MYO1B: variants seen among roughly 807,000 people sequenced by gnomAD.
The protein encoded by MYO1B is unconventional myosin-Ib.
Under a neutral mutation model 159.7 loss-of-function variants are expected in MYO1B, and 72 were observed. The ratio of observed to expected loss-of-function variants is 0.45; its 90% CI spans 0.37 to 0.55. The LOEUF is 0.55. MYO1B is among the 20% of genes least tolerant of loss of function. MYO1B has a pLI of 0.00. For missense variants in MYO1B, 1,062 were observed against 1,364.8 expected, an observed-to-expected ratio of 0.78 and a Z score of 3.50; for synonymous variants, 468 against 473.8, an observed-to-expected ratio of 0.99 and a Z score of 0.16.
chr2:191,278,444 T>C (rs574382223), intron 2 of MYO1B, among the ~76,000 whole-genome samples: 16 of 152,356 alleles, frequency 1.1e-4, no homozygotes, highest in African/African-American at 3.8e-4. Context: ...ACCAAACATG[T>C]TTCAAGGATG....
intron 30 of MYO1B, among the ~76,000 whole-genome samples, chr2:191,417,657 A>C (rs560218604): frequency 6.6e-6 from 1 of 152,210 alleles, no homozygotes. Flanking sequence ...TGCTATTTTT[A>C]AGCATTTCCC....
chr2:191,396,322 G>C, intron 20 of MYO1B, 107 bp from the exon 21 acceptor site: 5 of 1,139,208 alleles, frequency 4.4e-6, no homozygotes, highest in Non-Finnish European at 6.6e-6. Context: ...GAAGGAGTAT[G>C]GATAATTGAG....
chr2:191,424,102 C>A lies in MYO1B; in HGVS notation c.*142C>A. ...GGCAAAATAAAAATATTTGACTAATCAATTTTTATTATTGGAATAGTTTTA... is the reference window on the plus strand; with the variant it reads ...GGCAAAATAAAAATATTTGACTAATAAATTTTTATTATTGGAATAGTTTTA... On this transcript the variant is annotated 3_prime_UTR_variant, in exon 31 of 31. Coordinates refer to ENST00000392318, the MANE Select transcript of MYO1B (RefSeq NM_001130158.3). 1.0e-6 allele frequency: 1 copy of A among 957,708 alleles called. No individual in the cohort carries two copies. Among genetic ancestry groups the A allele is most frequent in the Non-Finnish European group, 1.6e-6 (1 of 637,930 alleles). The allele number at this position is 957,708 out of a possible 1,614,324, so 59.3% of individuals were successfully genotyped here. A position where few individuals can be genotyped will look rare whatever the true frequency, so the allele number is the denominator to read the frequency against.
At chr2:191,392,965 A>G in intron 19 of MYO1B, 108 bp from the exon 20 acceptor site, 2 of 931,048 alleles carry the variant, frequency 2.1e-6, no homozygotes, top group Non-Finnish European at 3.2e-6. Context: ...CTTTTTTTCA[A>G]TGTAATTGAC....
chr2:191,401,199 C>G (rs1205166293), intron 23 of MYO1B, among the ~76,000 whole-genome samples: 3 of 151,698 alleles, frequency 2.0e-5, no homozygotes, highest in African/African-American at 7.3e-5. Flanking sequence ...TGGGAATGTT[C>G]AAGTTTGGGC....
At chr2:191,266,199 A>G (rs1574295168) in intron 1 of MYO1B, among the ~76,000 whole-genome samples, 1 of 152,204 alleles carries the variant, frequency 6.6e-6, no homozygotes, top group East Asian at 1.9e-4. Context: ...TTACCTGGAC[A>G]CACCTGCTAG....
chr2:191,318,245 G>A (rs1690479028), intron 3 of MYO1B, among the ~76,000 whole-genome samples: 1 of 152,198 alleles, frequency 6.6e-6, no homozygotes, highest in South Asian at 2.1e-4. Context: ...AAATGAGCCA[G>A]GAAAAACAGC....
At chr2:191,399,857 C>G (rs761013311) in intron 21 of MYO1B, among the ~76,000 whole-genome samples, 4 of 152,166 alleles carry the variant, frequency 2.6e-5, no homozygotes, top group Non-Finnish European at 5.9e-5. Flanking sequence ...AGGAAGGACC[C>G]AAAGTCCACC....
At chr2:191,306,096 TA>T (rs1279632779) in intron 3 of MYO1B, among the ~76,000 whole-genome samples, 1 of 152,094 alleles carries the variant, frequency 6.6e-6, no homozygotes, top group Non-Finnish European at 1.5e-5. Context: ...AATGGCATTT[TA>T]AATGGTGACA....
chr2:191,366,386 T>TG (rs1232411791), intron 11 of MYO1B, among the ~76,000 whole-genome samples: 1 of 152,082 alleles, frequency 6.6e-6, no homozygotes, highest in African/African-American at 2.4e-5. Context: ...GTCAACTGTT[T>TG]TTTTTTTTAT....
intron 1 of MYO1B, among the ~76,000 whole-genome samples, chr2:191,265,851 A>G (rs568036336): frequency 9.9e-5 from 15 of 152,238 alleles, no homozygotes; most frequent in African/African-American, 3.1e-4. Context: ...ACGTTAGCTC[A>G]TTAATTCTCC....
chr2:191,408,128 A>G lies in MYO1B; in HGVS notation c.2570A>G (p.Tyr857Cys), dbSNP rs1559243177. The G allele has an allele frequency of 6.2e-7, 1 of 1,612,606 alleles. No homozygotes were observed. Residue 857 changes from tyrosine to cysteine, a missense_variant, in exon 25 of 31, where the codon TAC becomes TGC. Transcript: ENST00000392318. ...YWLGLKVRRE[Y>C]RKFFRANAGK... Reference sequence around the variant, plus strand: ...TTCTTTTTAAAGGTACGTAGAGAATACAGGAAATTCTTCAGAGCCAATGCT... The same window carrying G: ...TTCTTTTTAAAGGTACGTAGAGAATGCAGGAAATTCTTCAGAGCCAATGCT...
intron 2 of MYO1B, among the ~76,000 whole-genome samples, chr2:191,283,204 AT>A (rs1455861479): frequency 6.6e-6 from 1 of 152,188 alleles, no homozygotes; most frequent in Admixed American, 6.5e-5. Context: ...GTTGACACAT[AT>A]TTGTTGCTTA....
At chr2:191,325,915 G>A (rs942758337) in intron 3 of MYO1B, among the ~76,000 whole-genome samples, 3 of 152,100 alleles carry the variant, frequency 2.0e-5, no homozygotes, top group African/African-American at 4.8e-5. Flanking sequence ...AACATACTTA[G>A]TGCTAGGGAA....
In MYO1B at chr2:191,361,026, A is replaced by C. The variant is rs550792628; in HGVS notation, c.661+297A>C. ...TTTTTTATGATTCTAGTTGAAGTGA[A>C]GAACATGGTGTATTTGCTTCTACCA... is the stretch of plus-strand genomic sequence containing the variant. On this transcript the variant is annotated intron_variant, in intron 8 of 30. Coordinates refer to ENST00000392318, the MANE Select transcript of MYO1B (RefSeq NM_001130158.3). Among the ~76,000 whole-genome samples, 13 of 152,276 alleles carry C rather than the reference A, an allele frequency of 8.5e-5. No homozygotes were observed. The East Asian group carries it at 1.7e-3, about 20-fold the overall frequency.
intron 2 of MYO1B, among the ~76,000 whole-genome samples, chr2:191,284,651 G>A (rs1286474296): frequency 1.3e-5 from 2 of 151,086 alleles, no homozygotes; most frequent in South Asian, 2.1e-4. Context: ...TCTTTTTTTC[G>A]AGACAGAGTC....
rs1403101837 is a variant in MYO1B at position 191,253,300 on chromosome 2, A to T, written c.-10+7674A>T. ...TTTTGGGGGGATCATTTCGTAGATA[A>T]CACTGCTATAGTCACTTCACTGTAG... On this transcript the variant is annotated intron_variant, in intron 1 of 30. Coordinates refer to ENST00000392318, the MANE Select transcript of MYO1B (RefSeq NM_001130158.3). Among the ~76,000 whole-genome samples, 4 of 152,184 alleles carry T rather than the reference A, an allele frequency of 2.6e-5. No homozygotes were observed. In the East Asian group the frequency reaches 7.7e-4, roughly 29 times the overall value.
At chr2:191,380,496 A>G in intron 13 of MYO1B, among the ~76,000 whole-genome samples, 1 of 152,184 alleles carries the variant, frequency 6.6e-6, no homozygotes, top group Non-Finnish European at 1.5e-5. Flanking sequence ...ATAAAGAAAA[A>G]TAGAGGTGAA....
At chr2:191,382,277 A>G (rs1165519392) in intron 14 of MYO1B, among the ~76,000 whole-genome samples, 2 of 151,852 alleles carry the variant, frequency 1.3e-5, no homozygotes, top group East Asian at 1.9e-4. Flanking sequence ...TCTTAGTATC[A>G]TTTTAAGCCA....
Sources: gnomAD v4.1 joint callset for allele counts (sites outside exome capture counted in the v4.1 genomes callset) on GRCh38, gnomAD v4.1.1 for gene constraint, MANE v1.5 for transcripts, NCBI Gene and HGNC (gene_info 2026-07-23, HGNC 2026-07-21) for gene names.